Variants in DPH1 observed in about 807,000 individuals in gnomAD.
The protein encoded by DPH1 is 2-(3-amino-3-carboxypropyl)histidine synthase subunit 1.
A neutral mutation model predicts 55.3 loss-of-function variants in DPH1; 59 were observed. The observed-to-expected ratio is 1.07, with a 90% CI of 0.87 to 1.33. The LOEUF (loss-of-function observed/expected upper bound fraction) is 1.33, where lower values mean the gene tolerates loss of function less well. Among genes scored for constraint, DPH1 ranks in the 40% most tolerant of loss-of-function variants. DPH1 has a pLI of 0.00. For missense variants in DPH1, 628 were observed against 584.8 expected, an observed-to-expected ratio of 1.07 and a Z score of -0.76; for synonymous variants, 238 against 235.5, an observed-to-expected ratio of 1.01 and a Z score of -0.10.
At position 2,036,588 on chromosome 17, in the gene DPH1, A is replaced by G; in HGVS notation, c.460A>G (p.Ile154Val). The part of the protein sequence containing the change: ...RVLYVFVDIR[I>V]DTTHLLDSLR... ...GCTGTACGTCTTTGTGGACATCCGG[A>G]TAGACACTACACACCTCCTGGACTC... The change falls in exon 5 of 13, where the codon ATA becomes GTA. Residue 154 changes from isoleucine (I) to valine (V), a missense_variant. Ile to Val is a conservative substitution (Grantham distance 29, BLOSUM62 3). Coordinates refer to ENST00000263083, the MANE Select transcript of DPH1 (RefSeq NM_001383.6). This position sits in a 1 kb window ranked among gnomAD's most constrained non-coding sequence, Gnocchi z 4.8. The G allele has an allele frequency of 1.2e-6, 2 of 1,614,072 alleles. No homozygotes were observed. The highest frequency in any genetic ancestry group is 1.7e-6 in the Non-Finnish European group (2 of 1,180,010).
chr17:2,043,072 T>C lies in DPH1; in HGVS notation c.*486T>C, dbSNP rs766465095. The stretch of plus-strand genomic sequence containing the variant: ...AGCAGCTGCACCCCAGCGTCAGGCC[T>C]ACCTCAAGTTCTTGGACCAGTTTGC... On this transcript the variant is annotated 3_prime_UTR_variant, in exon 13 of 13. Transcript: ENST00000263083. 1.2e-6 allele frequency: 2 copies of C among 1,613,922 alleles called. No individual in the cohort carries two copies. The highest frequency in any genetic ancestry group is 4.5e-5 in the East Asian group (2 of 44,882).
At chr17:2,041,931 T>C in intron 12 of DPH1, 56 bp downstream of exon 12, 2 of 1,531,686 alleles carry the variant, frequency 1.3e-6, no homozygotes, top group African/African-American at 1.4e-5. Context: ...TGGGAACGCC[T>C]TGGCGCTCCG....
intron 7 of DPH1, 117 bp downstream of exon 7, chr17:2,039,940 T>G: frequency 6.9e-7 from 1 of 1,451,766 alleles, no homozygotes; most frequent in Non-Finnish European, 9.6e-7. Flanking sequence ...GCCCTAAGGG[T>G]CTGAGGCACT....
chr17:2,033,826 G>A lies in DPH1; in HGVS notation c.262G>A (p.Val88Met). 6.2e-7 allele frequency: 1 copy of A among 1,614,130 alleles called. No individual in the cohort carries two copies. The change falls in exon 3 of 13, where the codon GTG (valine) becomes ATG (methionine). Residue 88 changes from valine (V) to methionine (M), a missense_variant. By Grantham distance (21) the Val-to-Met change is conservative. Coordinates refer to ENST00000263083, the MANE Select transcript of DPH1 (RefSeq NM_001383.6). ...CCTCCTCCTCTTTGCCTGTACCATT[G>A]TGGATATCTTGGAAAGGTGAGGCTT... ...EGLLLFACTIVDILERFTEAE... is the reference protein window; with the variant it reads ...EGLLLFACTIMDILERFTEAE...
chr17:2,040,048 C>T (rs1271325653), intron 7 of DPH1, among the ~76,000 whole-genome samples, 170 bp from the exon 8 acceptor site: 1 of 152,210 alleles, frequency 6.6e-6, no homozygotes, highest in African/African-American at 2.4e-5. Context: ...CTTGTCTGCT[C>T]CAGCTGTGGG....
intron 2 of DPH1, 47 bp from the exon 3 acceptor site, chr17:2,033,732 A>G (rs1299057861): frequency 4.3e-6 from 7 of 1,614,126 alleles, no homozygotes; most frequent in Non-Finnish European, 5.9e-6. Context: ...TCCCCCTTGC[A>G]GCCCCTTCCT....
chr17:2,030,353 C>A, intron 1 of DPH1, 123 bp downstream of exon 1: 1 of 1,183,172 alleles, frequency 8.5e-7, no homozygotes, highest in South Asian at 1.6e-5. Context: ...CGCTGTTAGT[C>A]GCCTTGGGCC....
In DPH1 at chr17:2,041,772, A is replaced by C. The variant is rs1007345223; in HGVS notation, c.1232A>C (p.Gln411Pro). The C allele has an allele frequency of 1.9e-6, 3 of 1,605,064 alleles. No individual in the cohort carries two copies. The Admixed American group carries it at 5.1e-5, about 27-fold the overall frequency. ...APGRPARGKV[Q>P]EGSARPPSAV... is the part of the protein sequence containing the mutation. ...AACCAAAGTCTGCGACCTCAGGTGC[A>C]GGAGGGGTCCGCGCGTCCCCCTTCG... is the stretch of plus-strand genomic sequence containing the variant. Residue 411 changes from glutamine to proline, a missense_variant, in exon 12 of 13, where the codon CAG (glutamine) becomes CCG (proline). Transcript: ENST00000263083.
At chr17:2,040,629 T>C (rs755153813) in intron 9 of DPH1, 24 bp downstream of exon 9, 1 of 1,608,400 alleles carries the variant, frequency 6.2e-7, no homozygotes, top group Non-Finnish European at 8.5e-7. Context: ...TGGCTATGAC[T>C]GGCTAAAGAA....
rs550293359 is a variant in DPH1, at chr17:2,033,907, C to T, written c.278+65C>T. On this transcript the variant is annotated intron_variant, in intron 3 of 12. Coordinates refer to ENST00000263083, the MANE Select transcript of DPH1 (RefSeq NM_001383.6). The stretch of plus-strand genomic sequence containing the variant: ...TCCCCCACCCCCTATGCTCATTACC[C>T]GGGTGGGTAAAGCCCTGGTGGCGGG... 54 of 1,592,394 alleles carry T rather than the reference C, an allele frequency of 3.4e-5. No individual in the cohort carries two copies. In the African/African-American group the frequency reaches 5.1e-4, roughly 15 times the overall value.
In DPH1 at chr17:2,033,649, C is replaced by T. The variant is rs931835027; in HGVS notation, c.206C>T (p.Ala69Val). 1.6e-5 allele frequency: 26 copies of T among 1,613,944 alleles called. No individual in the cohort carries two copies. Among genetic ancestry groups the T allele is most frequent in the Non-Finnish European group, 2.1e-5 (25 of 1,179,942 alleles). The change falls in exon 2 of 13, where the codon GCC becomes GTC. Residue 69 changes from alanine (A) to valine (V), a missense_variant. Ala to Val is a moderately conservative substitution (Grantham distance 64, BLOSUM62 0). Transcript: ENST00000263083. ...ATCTGGAGGATCCAACAAGCCCAGG[C>T]CAAGAAGGGTGAGCCTGTGATCATT... is the stretch of plus-strand genomic sequence containing the variant. ...KTIWRIQQAQ[A>V]KKVALQMPEG...
chr17:2,039,602 C>T, intron 6 of DPH1, 153 bp from the exon 7 acceptor site: 1 of 810,070 alleles, frequency 1.2e-6, no homozygotes, highest in Admixed American at 1.9e-5. Context: ...TGGTCTCGAT[C>T]TCCTGACCTC....
At chr17:2,042,412 C>T (rs1409107282) in intron 12 of DPH1, 193 bp from the exon 13 acceptor site, 7 of 1,242,104 alleles carry the variant, frequency 5.6e-6, no homozygotes, top group Non-Finnish European at 6.3e-6. Context: ...CCCAGGCTTC[C>T]GCCTTCACCG....
At chr17:2,040,935 A>G in intron 9 of DPH1, 168 bp from the exon 10 acceptor site, 1 of 718,660 alleles carries the variant, frequency 1.4e-6, no homozygotes, top group Non-Finnish European at 2.3e-6. Flanking sequence ...ACAGGAGAAA[A>G]CACGCAACAA....
chr17:2,041,173 C>A lies in DPH1; in HGVS notation c.1078C>A (p.Pro360Thr). 6.2e-7 allele frequency: 1 copy of A among 1,604,640 alleles called. No individual in the cohort carries two copies. The highest frequency in any genetic ancestry group is 8.5e-7 in the Non-Finnish European group (1 of 1,175,382). Residue 360 changes from proline to threonine, a missense_variant, in exon 10 of 13, where the codon CCC (proline) becomes ACC (threonine). Physicochemically the swap from Pro to Thr is conservative, Grantham distance 38. Transcript: ENST00000263083. ...AGCCTTCCCCAAGCCGCTGCTGACACCCTATGAGGTAACACCAAGCTCTGG... is the reference window on the plus strand; with the variant it reads ...AGCCTTCCCCAAGCCGCTGCTGACAACCTATGAGGTAACACCAAGCTCTGG... Reference protein sequence around the residue: ...GTAFPKPLLTPYEAAVALRDI... With the variant: ...GTAFPKPLLTTYEAAVALRDI...
At position 2,037,574 on chromosome 17, in the gene DPH1, C is replaced by G. The variant is rs115840856; in HGVS notation, c.680+618C>G. On this transcript the variant is annotated intron_variant, in intron 6 of 12. Coordinates refer to ENST00000263083, the MANE Select transcript of DPH1 (RefSeq NM_001383.6). ...GCCCAGATCTGGCAGCCCTGCTCCC[C>G]GAGCAGCACTGAGTGGCATTCCCCC... Among the ~76,000 whole-genome samples the G allele has an allele frequency of 4.5e-3, 690 of 152,280 alleles. 2 individuals carry two copies. The highest frequency in any genetic ancestry group is 0.016 in the African/African-American group (656 of 41,548).
Position 2,033,832 on chromosome 17 carries a change from A to G in DPH1, c.268A>G (p.Ile90Val), listed in dbSNP as rs377576085. Residue 90 changes from isoleucine (I) to valine (V), a missense_variant, in exon 3 of 13, where the codon ATC becomes GTC. Coordinates refer to ENST00000263083, the MANE Select transcript of DPH1 (RefSeq NM_001383.6). ...LLLFACTIVD[I>V]LERFTEAEVM... is the part of the protein sequence containing the mutation. The stretch of plus-strand genomic sequence containing the variant: ...CCTCTTTGCCTGTACCATTGTGGAT[A>G]TCTTGGAAAGGTGAGGCTTGGGGCA... 6.2e-6 allele frequency: 10 copies of G among 1,614,012 alleles called. No homozygotes were observed. Among genetic ancestry groups the G allele is most frequent in the Non-Finnish European group, 8.5e-6 (10 of 1,180,028 alleles).
rs1567547092 is a variant in DPH1, at chr17:2,039,837, C to CGGGCT, written c.749+21_749+25dup. The CGGGCT allele has an allele frequency of 6.2e-7, 1 of 1,613,922 alleles. No homozygotes were observed. The highest frequency in any genetic ancestry group is 8.5e-7 in the Non-Finnish European group (1 of 1,179,988). ...CCCCGCTTACCGGTATGGGCTGGGC[C>CGGGCT]GGGCTGGGCTGACCAGCTGGTGAGG... On this transcript the variant is annotated intron_variant, in intron 7 of 12. Transcript: ENST00000263083.
intron 6 of DPH1, among the ~76,000 whole-genome samples, chr17:2,037,754 A>G (rs12451788): frequency 0.38 from 57,909 of 152,092 alleles, 11,182 homozygotes; most frequent in Admixed American, 0.42. Flanking sequence ...ACGCTCTGTA[A>G]TCTTCATGGG....
Sources: allele counts gnomAD v4.1 joint callset (sites outside exome capture counted in the v4.1 genomes callset), GRCh38; gene constraint gnomAD v4.1.1; non-coding constraint Gnocchi (gnomAD v3.1); transcripts MANE v1.5; gene names NCBI Gene and HGNC (gene_info 2026-07-23, HGNC 2026-07-21).